The following ZNF276 variants were observed in gnomAD, a reference collection of about 807,000 sequenced individuals.
The protein encoded by ZNF276 is zinc finger protein 276.
In ZNF276, 59 loss-of-function variants were observed where a neutral mutation model predicts 63.9. That is an observed-to-expected ratio of 0.92 (90% CI 0.75 to 1.15). The LOEUF is 1.15. Among genes scored for constraint, ZNF276 ranks in the 50% most tolerant of loss-of-function variants. The probability of loss-of-function intolerance (pLI) is 0.00; values close to 1 mark genes in which losing one functional copy is unlikely to be tolerated. For synonymous variants in ZNF276, 496 were observed against 348.4 expected, an observed-to-expected ratio of 1.42 and a Z score of -4.72; for missense variants, 1,084 against 843.8, an observed-to-expected ratio of 1.28 and a Z score of -3.53.
At chr16:89,737,737 T>G in intron 9 of ZNF276, 69 bp from the exon 10 acceptor site, 1 of 1,604,566 alleles carries the variant, frequency 6.2e-7, no homozygotes, top group Non-Finnish European at 8.5e-7. Flanking sequence ...TGGTTTCACA[T>G]TGTCATCGTC....
chr16:89,724,918 A>G (rs1186493932), intron 4 of ZNF276, among the ~76,000 whole-genome samples: 7 of 152,018 alleles, frequency 4.6e-5, no homozygotes, highest in East Asian at 3.9e-4. Context: ...CTATTTATCT[A>G]TTTATTTACC....
chr16:89,727,500 C>G, intron 5 of ZNF276, 143 bp downstream of exon 5: 1 of 924,618 alleles, frequency 1.1e-6, no homozygotes, highest in East Asian at 2.5e-5. Flanking sequence ...GGGTCGGCTG[C>G]CCATGCGCTG....
Position 89,738,642 on chromosome 16 carries a change from C to G in ZNF276, c.*396C>G. Reference sequence around the variant, plus strand: ...TCCTGGGACAGGTCAGCGTCAGGGGCAGCCTGCTGTCTGCTCTGGAGGGCG... The same window carrying G: ...TCCTGGGACAGGTCAGCGTCAGGGGGAGCCTGCTGTCTGCTCTGGAGGGCG... On this transcript the variant is annotated 3_prime_UTR_variant, in exon 11 of 11. Coordinates refer to ENST00000443381, the MANE Select transcript of ZNF276 (RefSeq NM_001113525.2). The G allele has an allele frequency of 6.2e-7, 1 of 1,613,574 alleles. No homozygotes were observed. Among genetic ancestry groups the G allele is most frequent in the African/African-American group, 1.3e-5 (1 of 75,040 alleles).
Position 89,729,313 on chromosome 16 carries a change from A to C in ZNF276, c.1164A>C (p.Glu388Asp), listed in dbSNP as rs767777506. ...ACGAGTCCTTTGAGCCTTACCCAGA[A>C]AGGAAGTAAGTGGGCAGCCCGGGGT... ...SSDESFEPYP[E>D]RKVSGKKSES... is the part of the protein sequence containing the mutation. Residue 388 changes from glutamate to aspartate, a missense_variant, in exon 6 of 11, where the codon GAA (glutamate) becomes GAC (aspartate). Glu to Asp is a conservative substitution (Grantham distance 45). Coordinates refer to ENST00000443381, the MANE Select transcript of ZNF276 (RefSeq NM_001113525.2). 7.4e-6 allele frequency: 12 copies of C among 1,613,948 alleles called. No homozygotes were observed. In the South Asian group the frequency reaches 1.2e-4, roughly 16 times the overall value.
chr16:89,734,883 G>A (rs2061800556), intron 9 of ZNF276, among the ~76,000 whole-genome samples: 1 of 152,218 alleles, frequency 6.6e-6, no homozygotes, highest in African/African-American at 2.4e-5. Context: ...ACTTGGCCGG[G>A]CGTGGTGGCT....
In ZNF276 at chr16:89,738,711, G is replaced by C. The variant is rs765478990; in HGVS notation, c.*465G>C. ...CAGTCCCCACGATCAGCCAGCAGCT[G>C]TGAGAGAGGAGCAGGTCCTCAGCCC... On this transcript the variant is annotated 3_prime_UTR_variant, in exon 11 of 11. Coordinates refer to ENST00000443381, the MANE Select transcript of ZNF276 (RefSeq NM_001113525.2). 1 of 1,613,846 alleles carries C rather than the reference G, an allele frequency of 6.2e-7. No homozygotes were observed. Among genetic ancestry groups the C allele is most frequent in the Non-Finnish European group, 8.5e-7 (1 of 1,179,940 alleles).
rs779675950 is a variant in ZNF276 at position 89,723,750 on chromosome 16, C to A, written c.1006+41C>A. 5 of 1,572,064 alleles carry A rather than the reference C, an allele frequency of 3.2e-6. No individual in the cohort carries two copies. The African/African-American group carries it at 6.8e-5, about 21-fold the overall frequency. ...TGCTGGTGCTAGACCAGGATGTGTG[C>A]TCCTCAGTGGGGCAGGGTTTTCAGC... is the stretch of plus-strand genomic sequence containing the variant. On this transcript the variant is annotated intron_variant, in intron 4 of 10. Coordinates refer to ENST00000443381, the MANE Select transcript of ZNF276 (RefSeq NM_001113525.2).
Position 89,740,686 on chromosome 16 carries a change from C to G in ZNF276, c.*2440C>G, listed in dbSNP as rs528172368. On this transcript the variant is annotated 3_prime_UTR_variant, in exon 11 of 11. Transcript: ENST00000443381. ...GCCTGGGAGTTCTCACTCACACTTCCGCAAACACAAGGAGCTCCTGAGCTA... is the reference window on the plus strand; with the variant it reads ...GCCTGGGAGTTCTCACTCACACTTCGGCAAACACAAGGAGCTCCTGAGCTA... 23 of 807,946 alleles carry G rather than the reference C, an allele frequency of 2.8e-5. No individual in the cohort carries two copies. The highest frequency in any genetic ancestry group is 2.4e-4 in the East Asian group (9 of 37,492). The allele number at this position is 807,946 out of a possible 1,614,324, so 50.0% of individuals were successfully genotyped here. A position where few individuals can be genotyped will look rare whatever the true frequency, so the allele number is the denominator to read the frequency against.
Position 89,722,722 on chromosome 16 carries a change from C to T in ZNF276, c.397C>T (p.Pro133Ser), listed in dbSNP as rs372384464. 8 of 1,612,176 alleles carry T rather than the reference C, an allele frequency of 5.0e-6. No individual in the cohort carries two copies. The African/African-American group carries it at 1.1e-4, about 22-fold the overall frequency. The change falls in exon 2 of 11, where the codon CCG (proline) becomes TCG (serine). Residue 133 changes from proline (P) to serine (S), a missense_variant. By Grantham distance (74) the Pro-to-Ser change is moderately conservative (BLOSUM62 -1). Transcript: ENST00000443381. ...VAVRQDPTLSPFVCKSCHAQF... is the reference protein window; with the variant it reads ...VAVRQDPTLSSFVCKSCHAQF... Reference sequence around the variant, plus strand: ...TGTCCGCCAGGACCCCACCTTGTCTCCGTTTGTCTGCAAGAGCTGCCACGC... The same window carrying T: ...TGTCCGCCAGGACCCCACCTTGTCTTCGTTTGTCTGCAAGAGCTGCCACGC...
In ZNF276 at chr16:89,729,269, C is replaced by T; in HGVS notation, c.1120C>T (p.Gln374Ter). Residue 374 changes from glutamine (Q) to a stop codon, truncating the protein, a stop_gained, in exon 6 of 11, where the codon CAA becomes TAA. Transcript: ENST00000443381. LOFTEE classifies it high-confidence loss of function. ...VLSEDENDKK[Q>*]NAQSSDESFE... ...GAGTGAAGATGAAAATGACAAGAAGCAAAATGCCCAGTCTTCGGACGAGTC... is the reference window on the plus strand; with the variant it reads ...GAGTGAAGATGAAAATGACAAGAAGTAAAATGCCCAGTCTTCGGACGAGTC... 2 of 1,614,132 alleles carry T rather than the reference C, an allele frequency of 1.2e-6. No homozygotes were observed. The highest frequency in any genetic ancestry group is 1.7e-6 in the Non-Finnish European group (2 of 1,180,024).
At position 89,738,952 on chromosome 16, in the gene ZNF276, G is replaced by C. The variant is rs1235758124; in HGVS notation, c.*706G>C. ...CTGCAGCAGAAAAAGACGAGCTTTT[G>C]TTATCAGTTCCACGGGGTTGCCCTA... On this transcript the variant is annotated 3_prime_UTR_variant, in exon 11 of 11. Coordinates refer to ENST00000443381, the MANE Select transcript of ZNF276 (RefSeq NM_001113525.2). The C allele has an allele frequency of 8.1e-6, 13 of 1,614,260 alleles. No homozygotes were observed. Among genetic ancestry groups the C allele is most frequent in the Non-Finnish European group, 1.0e-5 (12 of 1,180,042 alleles).
At chr16:89,726,083 T>A (rs12051515) in intron 4 of ZNF276, among the ~76,000 whole-genome samples, 59,425 of 152,112 alleles carry the variant, frequency 0.39, 12,731 homozygotes, top group East Asian at 0.75. Flanking sequence ...TGGCACAATC[T>A]CGGCTCACTG....
intron 9 of ZNF276, among the ~76,000 whole-genome samples, chr16:89,736,082 G>A (rs1436173154): frequency 4.6e-5 from 7 of 152,006 alleles, no homozygotes; most frequent in South Asian, 2.1e-4. Context: ...CAGTACAGAC[G>A]GGGTTTCACC....
Position 89,737,919 on chromosome 16 carries a change from A to C in ZNF276, c.1574+14A>C. 1 of 1,565,002 alleles carries C rather than the reference A, an allele frequency of 6.4e-7. No homozygotes were observed. Among genetic ancestry groups the C allele is most frequent in the East Asian group, 2.5e-5 (1 of 39,918 alleles). ...CAAGCCTTTGCAGTAAGTGTGAGTC[A>C]GGACCCCCTCCCAGGGCTGTGGCCC... is the stretch of plus-strand genomic sequence containing the variant. On this transcript the variant is annotated intron_variant, in intron 10 of 10. Transcript: ENST00000443381.
rs17227424 is a variant in ZNF276 at position 89,738,216 on chromosome 16, G to C, written c.1815G>C (p.Glu605Asp). Residue 605 changes from glutamate (E) to aspartate (D), a missense_variant, in exon 11 of 11, where the codon GAG becomes GAC. Glu to Asp is a conservative substitution (Grantham distance 45, BLOSUM62 2). Coordinates refer to ENST00000443381, the MANE Select transcript of ZNF276 (RefSeq NM_001113525.2). ...CACCGAGCCCCTCTGTGACCACAGA[G>C]GGCCAGGCGGTGAAGCCCGAACCCA... Reference protein sequence around the residue: ...PGPPSPSVTTEGQAVKPEPT With the variant: ...PGPPSPSVTTDGQAVKPEPT 63,544 of 1,609,330 alleles carry C rather than the reference G, an allele frequency of 0.039. 1,627 individuals are homozygous for C. Among genetic ancestry groups the C allele is most frequent in the East Asian group, 0.11 (5,059 of 44,526 alleles).
At chr16:89,737,648 A>G (rs2151706810) in intron 9 of ZNF276, 158 bp from the exon 10 acceptor site, 1 of 1,409,198 alleles carries the variant, frequency 7.1e-7, no homozygotes, top group Non-Finnish European at 9.4e-7. Context: ...AAAGATCTTA[A>G]TAAACGAGGC....
intron 1 of ZNF276, 140 bp from the exon 2 acceptor site, chr16:89,722,391 C>T (rs960638180): frequency 4.2e-6 from 4 of 952,390 alleles, no homozygotes; most frequent in African/African-American, 1.7e-5. Flanking sequence ...CCGCCGAGAG[C>T]CGCGCGCCCG....
At chr16:89,734,244 T>C (rs1017244839) in intron 9 of ZNF276, among the ~76,000 whole-genome samples, 3 of 152,222 alleles carry the variant, frequency 2.0e-5, no homozygotes, top group Non-Finnish European at 4.4e-5. Flanking sequence ...TGGAAGGAAT[T>C]CCTGACTTCC....
In ZNF276 at chr16:89,733,332, A is replaced by C. The variant is rs758423720; in HGVS notation, c.1200A>C (p.Glu400Asp). Residue 400 changes from glutamate to aspartate, a missense_variant, in exon 7 of 11, where the codon GAA (glutamate) becomes GAC (aspartate). Physicochemically the swap from Glu to Asp is conservative, Grantham distance 45. Transcript: ENST00000443381. ...KVSGKKSESK[E>D]AKKSEEPRIR... ...CTGGTAAGAAGAGTGAAAGCAAAGA[A>C]GCCAAGAAGTCTGAAGAACCAAGAA... 5.0e-6 allele frequency: 8 copies of C among 1,614,166 alleles called. No homozygotes were observed. The highest frequency in any genetic ancestry group is 6.8e-6 in the Non-Finnish European group (8 of 1,180,046).
Sources: gnomAD v4.1 joint callset for allele counts (sites outside exome capture counted in the v4.1 genomes callset) on GRCh38, gnomAD v4.1.1 for gene constraint, MANE v1.5 for transcripts, NCBI Gene and HGNC (gene_info 2026-07-23, HGNC 2026-07-21) for gene names.